Variants in CADM2 observed in about 807,000 individuals in gnomAD.
CADM2 encodes the protein cell adhesion molecule 2, also known as immunoglobulin superfamily member 4D.
CADM2 carries 12 observed loss-of-function variants against 49.8 expected under a neutral mutation model. The ratio of observed to expected loss-of-function variants is 0.24; its 90% CI spans 0.15 to 0.39. CADM2 has a LOEUF of 0.39. Ranked by LOEUF, CADM2 falls within the 10% of genes least tolerant of loss-of-function variation. The pLI, the probability that CADM2 is intolerant of heterozygous loss-of-function variation, is 1.00. For missense variants in CADM2, 378 were observed against 492.3 expected (o/e 0.77, Z 2.20); for synonymous variants, 214 against 175.4 (o/e 1.22, Z -1.74).
chr3:85,361,305 G>C (rs918480011), intron 1 of CADM2, among the ~76,000 whole-genome samples: 1 of 152,076 alleles, frequency 6.6e-6, no homozygotes, highest in African/African-American at 2.4e-5. Flanking sequence ...ATATTTCACT[G>C]GTCAGAGTGA....
chr3:85,979,531 C>A (rs1308938114), intron 8 of CADM2, among the ~76,000 whole-genome samples: 1 of 151,464 alleles, frequency 6.6e-6, no homozygotes. Flanking sequence ...ATATATGGGA[C>A]TTTAAAATGT....
Position 85,288,794 on chromosome 3 carries a change from C to G in CADM2, c.61+329126C>G, listed in dbSNP as rs756108081. 4.7e-3 allele frequency among the ~76,000 whole-genome samples: 624 copies of G among 132,824 alleles called. 34 individuals carry two copies. The highest frequency in any genetic ancestry group is 8.0e-3 in the African/African-American group (302 of 37,816). 87.1% of individuals were successfully genotyped at this position (132,824 alleles called of 152,430 possible). A position where few individuals can be genotyped will look rare whatever the true frequency, so the allele number is the denominator to read the frequency against. On this transcript the variant is annotated intron_variant, in intron 1 of 9. Coordinates refer to ENST00000383699, the MANE Select transcript of CADM2 (RefSeq NM_001167675.2). ...CTGCTTTACCAATATGCCCCCCCCC[C>G]CTCTTTTTTTCCATCATGGCTAATT... is the stretch of plus-strand genomic sequence containing the variant.
intron 1 of CADM2, among the ~76,000 whole-genome samples, chr3:85,504,555 G>C (rs2107671350): frequency 6.6e-6 from 1 of 152,326 alleles, no homozygotes; most frequent in African/African-American, 2.4e-5. Context: ...TACAATGCCT[G>C]AGTTAGACAC....
At chr3:85,883,586 A>G (rs1017674315) in intron 4 of CADM2, 143 bp downstream of exon 4, 4 of 694,416 alleles carry the variant, frequency 5.8e-6, no homozygotes, top group Non-Finnish European at 8.4e-6. Context: ...ATTTTAACAC[A>G]GGCGTTTTAA....
chr3:84,980,246 C>T (rs991601620), intron 1 of CADM2, among the ~76,000 whole-genome samples: 5 of 152,292 alleles, frequency 3.3e-5, no homozygotes, highest in African/African-American at 1.2e-4. Flanking sequence ...AAGTCAGCTG[C>T]AGCTGCAGAG....
At chr3:85,809,567 C>G (rs2072683488) in intron 3 of CADM2, among the ~76,000 whole-genome samples, 1 of 151,948 alleles carries the variant, frequency 6.6e-6, no homozygotes, top group Non-Finnish European at 1.5e-5. Context: ...ACAGAAAGAC[C>G]CTGTCTCATA....
intron 8 of CADM2, among the ~76,000 whole-genome samples, chr3:86,019,849 T>A (rs1732879371): frequency 6.6e-6 from 1 of 152,146 alleles, no homozygotes; most frequent in Non-Finnish European, 1.5e-5. Context: ...CTTCCTCTTC[T>A]CCTAATTGAA....
chr3:85,827,997 T>A (rs770814846), intron 3 of CADM2: 2 of 151,904 alleles, frequency 1.3e-5, no homozygotes, highest in Admixed American at 6.6e-5. Flanking sequence ...TACACATTGG[T>A]TACCTCAATG....
intron 1 of CADM2, among the ~76,000 whole-genome samples, chr3:85,446,991 C>CATATATATATATATATAT (rs141177883): frequency 3.7e-5 from 2 of 54,552 alleles, no homozygotes; most frequent in African/African-American, 5.8e-5. Context: ...ATATGTATTG[C>CATATATATATATATATAT]ATATATATAT....
chr3:85,760,056 C>T (rs548407663), intron 2 of CADM2, among the ~76,000 whole-genome samples: 7 of 151,966 alleles, frequency 4.6e-5, no homozygotes, highest in Admixed American at 1.3e-4. Context: ...TTAGAAGGAC[C>T]TTTTGTGATC....
intron 1 of CADM2, among the ~76,000 whole-genome samples, chr3:85,630,109 A>G (rs1382437260): frequency 1.3e-5 from 2 of 151,990 alleles, no homozygotes; most frequent in Non-Finnish European, 2.9e-5. Flanking sequence ...GTTCTGTAAC[A>G]TTTTATCCTC....
At chr3:85,897,987 G>A (rs987832130) in intron 5 of CADM2, among the ~76,000 whole-genome samples, 2 of 152,102 alleles carry the variant, frequency 1.3e-5, no homozygotes, top group Non-Finnish European at 2.9e-5. Context: ...TGCTTTGAAA[G>A]TGGCCTTGCC....
chr3:85,010,384 G>A (rs2033931257), intron 1 of CADM2, among the ~76,000 whole-genome samples: 3 of 152,156 alleles, frequency 2.0e-5, no homozygotes, highest in Admixed American at 6.6e-5. Context: ...GAATACCAAA[G>A]TCTTGTATTT....
chr3:85,787,145 G>T (rs966806512), intron 2 of CADM2, among the ~76,000 whole-genome samples: 2 of 151,918 alleles, frequency 1.3e-5, no homozygotes, highest in African/African-American at 4.8e-5. Context: ...TAATAACAAG[G>T]AACTTACCAA....
At chr3:85,461,828 A>C (rs531325156) in intron 1 of CADM2, among the ~76,000 whole-genome samples, 1 of 152,306 alleles carries the variant, frequency 6.6e-6, no homozygotes, top group Non-Finnish European at 1.5e-5. Context: ...TATCTAATTA[A>C]TGCCAACATC....
chr3:86,056,209 G>T (rs771611101), intron 8 of CADM2, among the ~76,000 whole-genome samples: 1 of 152,166 alleles, frequency 6.6e-6, no homozygotes, highest in South Asian at 2.1e-4. Flanking sequence ...AGGACCCTTA[G>T]TTCTAATAGC....
At chr3:85,506,914 G>T (rs1226092168) in intron 1 of CADM2, among the ~76,000 whole-genome samples, 1 of 151,924 alleles carries the variant, frequency 6.6e-6, no homozygotes, top group African/African-American at 2.4e-5. Context: ...AAATGTTATA[G>T]TCCCAAAAAT....
intron 1 of CADM2, among the ~76,000 whole-genome samples, chr3:85,277,658 G>A (rs1386320776): frequency 6.6e-6 from 1 of 151,312 alleles, no homozygotes; most frequent in African/African-American, 2.4e-5. Flanking sequence ...ATACAAATCA[G>A]CCAATCTACT....
chr3:84,989,741 A>C (rs1414896099), intron 1 of CADM2, among the ~76,000 whole-genome samples: 3 of 152,052 alleles, frequency 2.0e-5, no homozygotes, highest in Non-Finnish European at 4.4e-5. Context: ...TAATAGAACT[A>C]TCAACCTCAA....
Sources: allele counts gnomAD v4.1 joint callset (sites outside exome capture counted in the v4.1 genomes callset), GRCh38; gene constraint gnomAD v4.1.1; transcripts MANE v1.5; gene names NCBI Gene and HGNC (gene_info 2026-07-23, HGNC 2026-07-21).